TRERF1: variants seen among roughly 807,000 people sequenced by gnomAD.
TRERF1 encodes transcriptional-regulating factor 1.
Under a neutral mutation model 122.9 loss-of-function variants are expected in TRERF1, and 27 were observed. The ratio of observed to expected loss-of-function variants is 0.22; its 90% CI spans 0.16 to 0.30. The LOEUF (loss-of-function observed/expected upper bound fraction) is 0.30, where lower values mean the gene tolerates loss of function less well. TRERF1 is among the 10% of genes least tolerant of loss of function. TRERF1 has a pLI of 1.00. For synonymous variants in TRERF1, 636 were observed against 641.7 expected (o/e 0.99, Z 0.13); for missense variants, 1,248 against 1,560.3 (o/e 0.80, Z 3.37).
chr6:42,444,822 G>A (rs1022851884), intron 2 of TRERF1, among the ~76,000 whole-genome samples: 2 of 151,936 alleles, frequency 1.3e-5, no homozygotes, highest in East Asian at 1.9e-4. Context: ...TCTGCTCCTC[G>A]CCTTTCATCA....
rs1433638202 is a variant in TRERF1 at position 42,299,154 on chromosome 6, A to C, written c.-259+1484T>G. ...TCTATCTACATATATATATATATCT[A>C]GCTAGCTGGATAACCCCTGAAAAAA... On this transcript the variant is annotated intron_variant, in intron 4 of 17. Coordinates refer to ENST00000372922, the Ensembl canonical transcript of TRERF1. Among the ~76,000 whole-genome samples, 7 of 136,642 alleles carry C rather than the reference A, an allele frequency of 5.1e-5. No individual in the cohort carries two copies. The East Asian group carries it at 1.2e-3, about 23-fold the overall frequency. The allele number at this position is 136,642 out of a possible 152,430, so 89.6% of individuals were successfully genotyped here.
At chr6:42,344,364 T>A (rs1031391293) in intron 3 of TRERF1, among the ~76,000 whole-genome samples, 1 of 152,150 alleles carries the variant, frequency 6.6e-6, no homozygotes, top group African/African-American at 2.4e-5. Flanking sequence ...ATCACTTCCA[T>A]TAACTCATTT....
chr6:42,328,814 G>A (rs187994159), intron 3 of TRERF1, among the ~76,000 whole-genome samples: 12 of 152,210 alleles, frequency 7.9e-5, no homozygotes, highest in Admixed American at 4.6e-4. Flanking sequence ...ATGGGCAACC[G>A]GCTGGGGAAA....
At chr6:42,418,218 CTTTTTT>C (rs34388801) in intron 2 of TRERF1, among the ~76,000 whole-genome samples, 4 of 34,656 alleles carry the variant, frequency 1.2e-4, no homozygotes, top group Non-Finnish European at 2.0e-4. Flanking sequence ...TTTTTCTTTC[CTTTTTT>C]TTTTTTTTTT....
At chr6:42,339,884 C>A (rs1369845180) in intron 3 of TRERF1, among the ~76,000 whole-genome samples, 1 of 152,248 alleles carries the variant, frequency 6.6e-6, no homozygotes, top group African/African-American at 2.4e-5. Flanking sequence ...TAAGAAAAGT[C>A]TATTTTAATG....
intron 13 of TRERF1, among the ~76,000 whole-genome samples, chr6:42,249,661 C>T (rs945503192): frequency 6.6e-6 from 1 of 152,204 alleles, no homozygotes; most frequent in Non-Finnish European, 1.5e-5. Context: ...GCATGTTCTC[C>T]CTGCCCCTCT....
At chr6:42,429,285 G>A (rs919961024) in intron 2 of TRERF1, among the ~76,000 whole-genome samples, 1 of 152,092 alleles carries the variant, frequency 6.6e-6, no homozygotes, top group African/African-American at 2.4e-5. Context: ...GCCCTGGGAA[G>A]GTAGCATTCT....
Position 42,269,118 on chromosome 6 carries a change from T to C in TRERF1, c.473A>G (p.Gln158Arg), listed in dbSNP as rs761583452. The change falls in exon 5 of 18, where the codon CAG becomes CGG. Residue 158 changes from glutamine (Q) to arginine (R), a missense_variant. This residue lies in a region of TRERF1 where 946 missense variants were observed against 1,073.0 expected (regional missense o/e 0.88). Coordinates refer to ENST00000372922, the Ensembl canonical transcript of TRERF1. This position sits in a 1 kb window ranked among gnomAD's most constrained non-coding sequence, Gnocchi z 4.9. ...CAGCACCTGGGCCATATTGTTGACC[T>C]GAATTCGCAGGTTTTGGTTGGCAAA... is the stretch of plus-strand genomic sequence containing the variant. 1.2e-6 allele frequency: 2 copies of C among 1,614,198 alleles called. No homozygotes were observed. The highest frequency in any genetic ancestry group is 2.7e-5 in the African/African-American group (2 of 75,042).
At chr6:42,328,004 CTTT>C (rs36069546) in intron 3 of TRERF1, among the ~76,000 whole-genome samples, 3,537 of 108,016 alleles carry the variant, frequency 0.033, 186 homozygotes, top group East Asian at 0.24. Context: ...TTCTTTCTTT[CTTT>C]TTTTTTTTTT....
At chr6:42,333,265 C>T (rs16895591) in intron 3 of TRERF1, among the ~76,000 whole-genome samples, 5,995 of 152,236 alleles carry the variant, frequency 0.039, 276 homozygotes, top group East Asian at 0.22. Flanking sequence ...ATCACTTTCG[C>T]TTTTCTGGGA....
At chr6:42,342,343 G>A (rs1192612228) in intron 3 of TRERF1, among the ~76,000 whole-genome samples, 2 of 152,156 alleles carry the variant, frequency 1.3e-5, no homozygotes, top group African/African-American at 4.8e-5. Context: ...GGCTTGACCT[G>A]GGGTCAAAGG....
intron 15 of TRERF1, among the ~76,000 whole-genome samples, chr6:42,239,162 G>T (rs1773021149): frequency 6.6e-6 from 1 of 152,162 alleles, no homozygotes; most frequent in South Asian, 2.1e-4. Flanking sequence ...GTTTCCCAAG[G>T]CCCCCATCAA....
intron 3 of TRERF1, among the ~76,000 whole-genome samples, chr6:42,312,763 C>A (rs1761896875): frequency 6.6e-6 from 1 of 152,208 alleles, no homozygotes; most frequent in South Asian, 2.1e-4. Context: ...CACACATGCA[C>A]TGGGTCTTAG....
intron 2 of TRERF1, among the ~76,000 whole-genome samples, chr6:42,365,860 C>T (rs1772622529): frequency 1.3e-5 from 2 of 152,244 alleles, no homozygotes; most frequent in Admixed American, 6.5e-5. Flanking sequence ...GATCTTCTTA[C>T]AGCATTGCAT....
chr6:42,409,580 G>A (rs1199568544), intron 2 of TRERF1, among the ~76,000 whole-genome samples: 1 of 152,108 alleles, frequency 6.6e-6, no homozygotes, highest in Non-Finnish European at 1.5e-5. Flanking sequence ...ACCCTTTAAT[G>A]CTTTAATTTC....
At chr6:42,423,604 C>T (rs1783142602) in intron 2 of TRERF1, among the ~76,000 whole-genome samples, 2 of 152,078 alleles carry the variant, frequency 1.3e-5, no homozygotes, top group Non-Finnish European at 1.5e-5. Context: ...TTCCCATATC[C>T]TATCTGCATT....
At chr6:42,278,472 AG>A (rs1175169844) in intron 4 of TRERF1, among the ~76,000 whole-genome samples, 1 of 152,202 alleles carries the variant, frequency 6.6e-6, no homozygotes, top group African/African-American at 2.4e-5. Flanking sequence ...AGAAAGTAGC[AG>A]ATGCAAATAC....
chr6:42,289,794 G>A (rs1783989661), intron 4 of TRERF1, among the ~76,000 whole-genome samples: 1 of 152,188 alleles, frequency 6.6e-6, no homozygotes, highest in South Asian at 2.1e-4. Context: ...TGGACTGGAG[G>A]AAGGTGAATG....
intron 13 of TRERF1, among the ~76,000 whole-genome samples, chr6:42,248,857 A>C (rs1217012778): frequency 6.6e-6 from 1 of 152,166 alleles, no homozygotes; most frequent in Non-Finnish European, 1.5e-5. Context: ...TTGAGGCTCT[A>C]TATCACTTCC....
Sources: allele counts gnomAD v4.1 joint callset (sites outside exome capture counted in the v4.1 genomes callset), GRCh38; gene constraint gnomAD v4.1.1; regional missense constraint gnomAD v4.1.1; non-coding constraint Gnocchi (gnomAD v3.1); transcripts MANE v1.5; gene names NCBI Gene and HGNC (gene_info 2026-07-23, HGNC 2026-07-21).